The following LBH variants were observed in gnomAD, a reference collection of about 807,000 sequenced individuals.
LBH encodes the protein LBH regulator of Wnt signaling pathway, also known as protein LBH.
In LBH, 7 loss-of-function variants were observed where a neutral mutation model predicts 12.5. The observed-to-expected ratio is 0.56, with a 90% CI of 0.32 to 1.05. The LOEUF (loss-of-function observed/expected upper bound fraction) is 1.05. LBH is among the 50% of genes least tolerant of loss of function. The pLI is 0.04. For missense variants in LBH, 119 were observed against 138.9 expected (o/e 0.86, Z 0.72); for synonymous variants, 51 against 50.1 (o/e 1.02, Z -0.08).
At chr2:30,237,443 T>C (rs1677709062) in intron 2 of LBH, among the ~76,000 whole-genome samples, 1 of 142,910 alleles carries the variant, frequency 7.0e-6, no homozygotes, top group Admixed American at 6.8e-5. Flanking sequence ...GCTTCGAGGA[T>C]ACGGGTCCTG....
At chr2:30,252,275 C>T (rs560493654) in intron 2 of LBH, among the ~76,000 whole-genome samples, 3 of 152,312 alleles carry the variant, frequency 2.0e-5, no homozygotes, top group African/African-American at 7.2e-5. Flanking sequence ...TCTCCTGCCA[C>T]CTTGTGAAGA....
intron 1 of LBH, among the ~76,000 whole-genome samples, chr2:30,233,439 C>T (rs1208387087): frequency 1.3e-5 from 2 of 152,228 alleles, no homozygotes; most frequent in South Asian, 4.1e-4. Flanking sequence ...GCATCTGGTA[C>T]CCCTGTTTCC....
intron 2 of LBH, among the ~76,000 whole-genome samples, chr2:30,255,632 G>A (rs970910149): frequency 1.4e-4 from 21 of 152,212 alleles, no homozygotes; most frequent in African/African-American, 4.6e-4. Flanking sequence ...GAAGCCCCAC[G>A]TGGCCTGTGA....
chr2:30,240,762 G>A (rs533194479), intron 2 of LBH, among the ~76,000 whole-genome samples: 6 of 152,186 alleles, frequency 3.9e-5, no homozygotes, highest in South Asian at 2.1e-4. Flanking sequence ...CCCCCTCTCC[G>A]GTGGACTTAA....
At chr2:30,237,835 A>C (rs771154661) in intron 2 of LBH, among the ~76,000 whole-genome samples, 1 of 152,126 alleles carries the variant, frequency 6.6e-6, no homozygotes, top group Non-Finnish European at 1.5e-5. Context: ...GAATTGTGAC[A>C]CCCTGTGGGG....
chr2:30,252,394 G>T (rs547657078), intron 2 of LBH, among the ~76,000 whole-genome samples: 1 of 152,328 alleles, frequency 6.6e-6, no homozygotes. Context: ...CAGGTGCAGT[G>T]GCTCATGCCT....
At chr2:30,251,920 G>A (rs535196305) in intron 2 of LBH, among the ~76,000 whole-genome samples, 1 of 152,260 alleles carries the variant, frequency 6.6e-6, no homozygotes, top group South Asian at 2.1e-4. Flanking sequence ...TTGGAGCAGA[G>A]AATCCTGGGC....
At chr2:30,244,593 C>CA (rs1349797558) in intron 2 of LBH, among the ~76,000 whole-genome samples, 1 of 152,088 alleles carries the variant, frequency 6.6e-6, no homozygotes, top group Non-Finnish European at 1.5e-5. Context: ...CAATTCAACT[C>CA]ACTATTGCAG....
rs187714891 is a variant in LBH at position 30,251,577 on chromosome 2, G to C, written c.130-5856G>C. Among the ~76,000 whole-genome samples, 346 of 150,804 alleles carry C rather than the reference G, an allele frequency of 2.3e-3. 2 individuals carry two copies. Among genetic ancestry groups the C allele is most frequent in the African/African-American group, 7.9e-3 (325 of 40,982 alleles). On this transcript the variant is annotated intron_variant, in intron 2 of 2. Transcript: ENST00000395323. ...AGCACTTTGGGAGGCTGAAGTGGGAGGATCACTTGATCCTGGAAGGTTGAG... is the reference window on the plus strand; with the variant it reads ...AGCACTTTGGGAGGCTGAAGTGGGACGATCACTTGATCCTGGAAGGTTGAG...
At chr2:30,232,120 C>G in intron 1 of LBH, 1 of 1,544,930 alleles carries the variant, frequency 6.5e-7, no homozygotes, top group East Asian at 2.5e-5. Flanking sequence ...CGCAGGGGGG[C>G]TCCTGCTCTT....
Position 30,234,408 on chromosome 2 carries a change from C to T in LBH, c.30C>T (p.Pro10=), listed in dbSNP as rs766121009. ...TTTGGTCTGGGTTTCTTGGCAGCCCCGACTATCTGAGATCGGCCAAGATGA... is the reference window on the plus strand; with the variant it reads ...TTTGGTCTGGGTTTCTTGGCAGCCCTGACTATCTGAGATCGGCCAAGATGA... The part of the protein sequence containing the change: MSIYFPIHC[P]DYLRSAKMTE... The change falls in exon 2 of 3, where the codon CCC becomes CCT. Residue 10 remains proline (P), a synonymous_variant. Coordinates refer to ENST00000395323, the MANE Select transcript of LBH (RefSeq NM_030915.4). 9 of 1,613,710 alleles carry T rather than the reference C, an allele frequency of 5.6e-6. No individual in the cohort carries two copies. Among genetic ancestry groups the T allele is most frequent in the East Asian group, 2.2e-5 (1 of 44,890 alleles).
intron 2 of LBH, among the ~76,000 whole-genome samples, chr2:30,242,603 C>G (rs1677809387): frequency 6.6e-6 from 1 of 152,088 alleles, no homozygotes; most frequent in Admixed American, 6.5e-5. Flanking sequence ...AAAAAAAATC[C>G]ACACCCATAT....
At chr2:30,243,743 G>A (rs571075047) in intron 2 of LBH, among the ~76,000 whole-genome samples, 68 of 152,098 alleles carry the variant, frequency 4.5e-4, no homozygotes, top group Middle Eastern at 3.4e-3. Context: ...TGGCCAGGCT[G>A]TTCTCGAACT....
At chr2:30,236,113 G>A (rs1677685807) in intron 2 of LBH, among the ~76,000 whole-genome samples, 1 of 152,206 alleles carries the variant, frequency 6.6e-6, no homozygotes, top group Admixed American at 6.5e-5. Context: ...CTGGGTTTTA[G>A]ATTTCCATCA....
rs946256992 is a variant in LBH, at chr2:30,231,567, C to T, written c.-172C>T. On this transcript the variant is annotated 5_prime_UTR_variant, in exon 1 of 3. Transcript: ENST00000395323. ...CTCAGTGGAGAGCGGGGAGTTGTGT[C>T]CACCTTGCCGACGTCGCTAGCCGTG... is the stretch of plus-strand genomic sequence containing the variant. 2.2e-5 allele frequency: 14 copies of T among 641,872 alleles called. No individual in the cohort carries two copies. Among genetic ancestry groups the T allele is most frequent in the African/African-American group, 1.6e-4 (8 of 51,022 alleles). The allele number at this position is 641,872 out of a possible 1,614,324, so 39.8% of individuals were successfully genotyped here.
At chr2:30,248,501 G>A (rs554670450) in intron 2 of LBH, among the ~76,000 whole-genome samples, 5 of 152,312 alleles carry the variant, frequency 3.3e-5, no homozygotes, top group African/African-American at 9.6e-5. Flanking sequence ...AAAAGAATGC[G>A]GGGATAGTTA....
chr2:30,232,163 A>G (rs893602657), intron 1 of LBH: 4 of 1,476,732 alleles, frequency 2.7e-6, no homozygotes, highest in Non-Finnish European at 3.6e-6. Context: ...TTTTGTTTGC[A>G]TGCAAGTCTC....
intron 2 of LBH, among the ~76,000 whole-genome samples, chr2:30,248,980 A>G (rs990946796): frequency 1.3e-5 from 2 of 151,616 alleles, no homozygotes; most frequent in Non-Finnish European, 2.9e-5. Flanking sequence ...TAAGTCCTCT[A>G]TAGGATTAGA....
At chr2:30,234,338 A>G (rs1200750425) in intron 1 of LBH, 67 bp from the exon 2 acceptor site, 76 of 1,176,982 alleles carry the variant, frequency 6.5e-5, no homozygotes, top group Non-Finnish European at 9.2e-5. Context: ...ACAGCAGTGA[A>G]TGCATGAAGA....
Sources: allele counts gnomAD v4.1 joint callset (sites outside exome capture counted in the v4.1 genomes callset), GRCh38; gene constraint gnomAD v4.1.1; transcripts MANE v1.5; gene names NCBI Gene and HGNC (gene_info 2026-07-23, HGNC 2026-07-21).